Variants in MYT1L observed in about 807,000 individuals in gnomAD.
The protein encoded by MYT1L is myelin transcription factor 1 like.
A neutral mutation model predicts 126.7 loss-of-function variants in MYT1L; 12 were observed. That is an observed-to-expected ratio of 0.09 (90% CI 0.06 to 0.15). The LOEUF (loss-of-function observed/expected upper bound fraction) is 0.15. MYT1L is among the 10% of genes least tolerant of loss of function. MYT1L has a pLI of 1.00. For synonymous variants in MYT1L, 541 were observed against 604.2 expected, an observed-to-expected ratio of 0.90 and a Z score of 1.53; for missense variants, 979 against 1,585.2, an observed-to-expected ratio of 0.62 and a Z score of 6.49.
chr2:2,329,964 C>A (rs2096274846), intron 1 of MYT1L, among the ~76,000 whole-genome samples: 1 of 151,378 alleles, frequency 6.6e-6, no homozygotes, highest in African/African-American at 2.4e-5. Flanking sequence ...TATAGGAATG[C>A]AATGCTGTTT....
At chr2:2,240,790 C>T (rs2094424459) in intron 2 of MYT1L, among the ~76,000 whole-genome samples, 3 of 152,204 alleles carry the variant, frequency 2.0e-5, no homozygotes, top group Admixed American at 1.3e-4. Context: ...CGCGTGCCAG[C>T]GGCCTTAGTT....
intron 3 of MYT1L, among the ~76,000 whole-genome samples, chr2:2,060,334 T>C (rs916337838): frequency 1.3e-4 from 20 of 152,348 alleles, no homozygotes; most frequent in African/African-American, 4.6e-4. Flanking sequence ...TTTAACTTTG[T>C]CATTATTAAT....
At chr2:2,247,234 A>G (rs1318005386) in intron 2 of MYT1L, among the ~76,000 whole-genome samples, 2 of 152,202 alleles carry the variant, frequency 1.3e-5, no homozygotes, top group Non-Finnish European at 2.9e-5. Context: ...AGGAGTAGCT[A>G]TACTTATGTA....
intron 2 of MYT1L, among the ~76,000 whole-genome samples, chr2:2,209,159 C>T (rs1211952020): frequency 6.6e-6 from 1 of 152,158 alleles, no homozygotes; most frequent in Admixed American, 6.6e-5. Flanking sequence ...TTACATGAGA[C>T]ATTTTTATAC....
At chr2:1,803,597 T>C (rs1252865754) in intron 22 of MYT1L, among the ~76,000 whole-genome samples, 3 of 152,186 alleles carry the variant, frequency 2.0e-5, no homozygotes, top group African/African-American at 7.2e-5. Context: ...CTTTCATCTC[T>C]AATTTTGTTC....
At chr2:2,222,766 T>C (rs2093913862) in intron 2 of MYT1L, among the ~76,000 whole-genome samples, 1 of 152,152 alleles carries the variant, frequency 6.6e-6, no homozygotes, top group South Asian at 2.1e-4. Context: ...TATCTACTTG[T>C]ATTTTAAAAT....
At chr2:2,037,921 G>A (rs1289606333) in intron 4 of MYT1L, among the ~76,000 whole-genome samples, 1 of 152,038 alleles carries the variant, frequency 6.6e-6, no homozygotes, top group African/African-American at 2.4e-5. Flanking sequence ...AAATCACTGT[G>A]TAACCTCCCC....
At chr2:2,007,106 T>C (rs2063410456) in intron 4 of MYT1L, among the ~76,000 whole-genome samples, 1 of 152,146 alleles carries the variant, frequency 6.6e-6, no homozygotes, top group Non-Finnish European at 1.5e-5. Flanking sequence ...AGGTTGCTTC[T>C]GTATCTTGGC....
At chr2:2,320,266 G>T (rs996954276) in intron 1 of MYT1L, among the ~76,000 whole-genome samples, 1 of 151,922 alleles carries the variant, frequency 6.6e-6, no homozygotes, top group African/African-American at 2.4e-5. Context: ...TGAGGGTCTT[G>T]GTGTTGGCAG....
chr2:1,795,152 C>G (rs1208503642), intron 23 of MYT1L, among the ~76,000 whole-genome samples: 1 of 152,222 alleles, frequency 6.6e-6, no homozygotes. Flanking sequence ...GTCTCAGGGT[C>G]ACTGCTGCCC....
At chr2:1,896,079 G>A (rs997956427) in intron 14 of MYT1L, among the ~76,000 whole-genome samples, 7 of 152,230 alleles carry the variant, frequency 4.6e-5, no homozygotes, top group African/African-American at 1.4e-4. Flanking sequence ...CAACAGCCAT[G>A]TGATAAAATG....
intron 2 of MYT1L, among the ~76,000 whole-genome samples, chr2:2,247,480 C>A (rs891962671): frequency 1.3e-5 from 2 of 152,024 alleles, no homozygotes; most frequent in Non-Finnish European, 2.9e-5. Flanking sequence ...ATCTCCCAGG[C>A]CGAAAATTAA....
intron 21 of MYT1L, chr2:1,809,714 T>C (rs916101254): frequency 1.3e-5 from 2 of 152,702 alleles, no homozygotes; most frequent in Non-Finnish European, 2.9e-5. Context: ...TCTCCTTATC[T>C]CACTTACAAT....
chr2:2,185,816 C>G (rs1448736108), intron 2 of MYT1L, among the ~76,000 whole-genome samples: 5 of 136,316 alleles, frequency 3.7e-5, no homozygotes, highest in African/African-American at 2.8e-5. Context: ...CGGGCCTTCC[C>G]GAGTCCCGCG....
intron 8 of MYT1L, among the ~76,000 whole-genome samples, chr2:1,970,287 C>T (rs910565106): frequency 2.6e-5 from 4 of 152,090 alleles, no homozygotes; most frequent in Non-Finnish European, 4.4e-5. Flanking sequence ...CTCGAAGAGC[C>T]GGGTCCCAGC....
chr2:2,280,923 G>A (rs1323261868), intron 2 of MYT1L, among the ~76,000 whole-genome samples: 4 of 152,110 alleles, frequency 2.6e-5, no homozygotes, highest in Admixed American at 1.3e-4. Context: ...GGCTTGCCTC[G>A]GTGCGGCCAT....
chr2:1,808,267 C>A (rs779382613), intron 22 of MYT1L, among the ~76,000 whole-genome samples: 2 of 152,150 alleles, frequency 1.3e-5, no homozygotes, highest in Non-Finnish European at 2.9e-5. Context: ...ATAGAAACTC[C>A]CAGCCAACAG....
At chr2:1,980,982 T>C (rs554566233) in intron 5 of MYT1L, among the ~76,000 whole-genome samples, 3 of 152,150 alleles carry the variant, frequency 2.0e-5, no homozygotes, top group African/African-American at 7.2e-5. Flanking sequence ...TCCTCCATGG[T>C]TTAGAGGAAG....
chr2:2,283,026 G>T (rs1292009208), intron 2 of MYT1L, among the ~76,000 whole-genome samples: 2 of 152,216 alleles, frequency 1.3e-5, no homozygotes, highest in Non-Finnish European at 2.9e-5. Flanking sequence ...GGTGAGCCAA[G>T]ATTGTGCCAC....
Sources: allele counts gnomAD v4.1 joint callset (sites outside exome capture counted in the v4.1 genomes callset), GRCh38; gene constraint gnomAD v4.1.1; transcripts MANE v1.5; gene names NCBI Gene and HGNC (gene_info 2026-07-23, HGNC 2026-07-21).